Variants in SENP2 observed in about 807,000 individuals in gnomAD.
The protein encoded by SENP2 is SUMO specific peptidase 2.
Under a neutral mutation model 86.3 loss-of-function variants are expected in SENP2, and 16 were observed. That is an observed-to-expected ratio of 0.19 (90% CI 0.13 to 0.28). The LOEUF is 0.28. Among genes scored for constraint, SENP2 ranks in the 10% least tolerant of loss-of-function variants. The probability of loss-of-function intolerance (pLI) is 1.00; values close to 1 mark genes in which losing one functional copy is unlikely to be tolerated. For synonymous variants in SENP2, 222 were observed against 238.7 expected (o/e 0.93, Z 0.64); for missense variants, 552 against 703.0 (o/e 0.79, Z 2.43).
chr3:185,601,112 T>C (rs951693601), intron 5 of SENP2, among the ~76,000 whole-genome samples: 2 of 149,990 alleles, frequency 1.3e-5, no homozygotes, highest in African/African-American at 4.9e-5. Context: ...GGTGCGATCT[T>C]GGCTCACTGT....
At chr3:185,593,874 G>A (rs1018523319) in intron 2 of SENP2, among the ~76,000 whole-genome samples, 4 of 151,634 alleles carry the variant, frequency 2.6e-5, no homozygotes, top group East Asian at 3.9e-4. Flanking sequence ...GATTACAGGC[G>A]CCCACCACTA....
chr3:185,610,801 A>G (rs1722663550), intron 7 of SENP2, among the ~76,000 whole-genome samples: 1 of 151,876 alleles, frequency 6.6e-6, no homozygotes, highest in South Asian at 2.1e-4. Flanking sequence ...ACTAAAAAAT[A>G]CAAAAAATTA....
At chr3:185,606,236 A>G (rs1722504261) in intron 5 of SENP2, 94 bp from the exon 6 acceptor site, 1 of 1,204,580 alleles carries the variant, frequency 8.3e-7, no homozygotes, top group South Asian at 1.6e-5. Context: ...AGCTTGACCT[A>G]AAGCAACTTA....
chr3:185,600,077 G>A (rs985552817), intron 4 of SENP2, among the ~76,000 whole-genome samples: 29 of 152,294 alleles, frequency 1.9e-4, no homozygotes, highest in East Asian at 3.9e-4. Flanking sequence ...GATTACAGGC[G>A]TGAGCCACTG....
chr3:185,619,642 T>C, intron 13 of SENP2, 140 bp downstream of exon 13: 1 of 473,124 alleles, frequency 2.1e-6, no homozygotes, highest in East Asian at 3.2e-5. Context: ...CTTTTTAGTT[T>C]TTTTTTTAAT....
intron 15 of SENP2, among the ~76,000 whole-genome samples, chr3:185,625,175 A>C (rs887496877): frequency 6.6e-6 from 1 of 150,630 alleles, no homozygotes; most frequent in African/African-American, 2.4e-5. Flanking sequence ...GCAGTGGCGC[A>C]ATCTTGGCTC....
chr3:185,598,511 G>A lies in SENP2; in HGVS notation c.257G>A (p.Cys86Tyr). 1.9e-6 allele frequency: 3 copies of A among 1,614,068 alleles called. No individual in the cohort carries two copies. In the East Asian group the frequency reaches 6.7e-5, roughly 36 times the overall value. Reference protein sequence around the residue: ...LTTKPMVTSACNGTRNVAPSG... With the variant: ...LTTKPMVTSAYNGTRNVAPSG... ...ACAAAGCCCATGGTAACTTCTGCTT[G>A]TAATGGAACACGGAATGTGGCCCCT... Residue 86 changes from cysteine (C) to tyrosine (Y), a missense_variant, in exon 3 of 17, where the codon TGT becomes TAT. Physicochemically the swap from Cys to Tyr is radical, Grantham distance 194. Coordinates refer to ENST00000296257, the MANE Select transcript of SENP2 (RefSeq NM_021627.3).
chr3:185,604,356 C>T (rs1722442900), intron 5 of SENP2, among the ~76,000 whole-genome samples: 1 of 151,980 alleles, frequency 6.6e-6, no homozygotes, highest in African/African-American at 2.4e-5. Context: ...GAGTATGGTC[C>T]AGTTGGATGA....
chr3:185,612,720 G>C, intron 9 of SENP2, 62 bp downstream of exon 9: 1 of 1,167,418 alleles, frequency 8.6e-7, no homozygotes, highest in Non-Finnish European at 1.3e-6. Context: ...TTTATAAGCT[G>C]TATTTATGAG....
intron 2 of SENP2, among the ~76,000 whole-genome samples, chr3:185,596,321 A>G (rs1229710953): frequency 6.6e-6 from 1 of 152,098 alleles, no homozygotes; most frequent in African/African-American, 2.4e-5. Context: ...TTAGATGTTT[A>G]AAAGCTGCAT....
chr3:185,630,081 A>G lies in SENP2; in HGVS notation c.*237A>G. ...CAGAGCTTTGGACTGTTCAACCCACACAAGAACAAACGCTAACTAATATTT... is the reference window on the plus strand; with the variant it reads ...CAGAGCTTTGGACTGTTCAACCCACGCAAGAACAAACGCTAACTAATATTT... On this transcript the variant is annotated 3_prime_UTR_variant, in exon 17 of 17. Transcript: ENST00000296257. 2.4e-6 allele frequency: 1 copy of G among 421,922 alleles called. No homozygotes were observed. The allele number at this position is 421,922 out of a possible 1,614,324, so 26.1% of individuals were successfully genotyped here. A position where few individuals can be genotyped will look rare whatever the true frequency, so the allele number is the denominator to read the frequency against.
intron 6 of SENP2, among the ~76,000 whole-genome samples, chr3:185,607,138 A>G (rs1722540539): frequency 6.6e-6 from 1 of 151,752 alleles, no homozygotes; most frequent in Non-Finnish European, 1.5e-5. Context: ...TAAATTTCTC[A>G]GACTCCCTTC....
At position 185,632,335 on chromosome 3, in the gene SENP2, A is replaced by G. The variant is rs1275486040; in HGVS notation, c.*2491A>G. 1 of 148,064 alleles carries G rather than the reference A, an allele frequency of 6.8e-6. No individual in the cohort carries two copies. Among genetic ancestry groups the G allele is most frequent in the African/African-American group, 2.5e-5 (1 of 39,746 alleles). The allele number at this position is 148,064 out of a possible 1,614,324, so 9.2% of individuals were successfully genotyped here. ...CTGCAACCTCCGCCTCCCAGGTTCA[A>G]GCGATTCTCCTGCCTCAGCCTCCTG... On this transcript the variant is annotated 3_prime_UTR_variant, in exon 17 of 17. Transcript: ENST00000296257.
chr3:185,616,592 A>G (rs1490431863), intron 11 of SENP2, among the ~76,000 whole-genome samples: 1 of 150,870 alleles, frequency 6.6e-6, no homozygotes, highest in African/African-American at 2.4e-5. Flanking sequence ...TGGCTAACAC[A>G]GTGAAACCCC....
At chr3:185,588,376 A>G (rs1721870870) in intron 1 of SENP2, among the ~76,000 whole-genome samples, 1 of 151,890 alleles carries the variant, frequency 6.6e-6, no homozygotes, top group African/African-American at 2.4e-5. Flanking sequence ...ATTTTTTAGT[A>G]GAGACGGGGT....
intron 15 of SENP2, 26 bp from the exon 16 acceptor site, chr3:185,626,267 TTCCTC>T: frequency 2.1e-6 from 3 of 1,420,620 alleles, no homozygotes; most frequent in Non-Finnish European, 3.0e-6. Flanking sequence ...GTTTTACCCT[TTCCTC>T]TCTTCTTTTT....
intron 1 of SENP2, among the ~76,000 whole-genome samples, chr3:185,589,223 T>G (rs1237909664): frequency 6.6e-6 from 1 of 152,192 alleles, no homozygotes; most frequent in Non-Finnish European, 1.5e-5. Context: ...TAATGTAGTT[T>G]GCGTGATAAA....
At chr3:185,628,081 CAT>C (rs1333495615) in intron 16 of SENP2, among the ~76,000 whole-genome samples, 1 of 152,124 alleles carries the variant, frequency 6.6e-6, no homozygotes. Flanking sequence ...ATTTAAGAAT[CAT>C]GTGTTAAGAC....
chr3:185,609,770 G>C (rs968268779), intron 7 of SENP2, among the ~76,000 whole-genome samples: 1 of 149,008 alleles, frequency 6.7e-6, no homozygotes, highest in African/African-American at 2.5e-5. Context: ...CCTCCTCCTG[G>C]TCTTTCTTTT....
Sources: gnomAD v4.1 joint callset for allele counts (sites outside exome capture counted in the v4.1 genomes callset) on GRCh38, gnomAD v4.1.1 for gene constraint, MANE v1.5 for transcripts, NCBI Gene and HGNC (gene_info 2026-07-23, HGNC 2026-07-21) for gene names.